The following PIK3C2G variants were observed in gnomAD, a reference collection of about 807,000 sequenced individuals.
PIK3C2G encodes phosphatidylinositol 3-kinase C2 domain-containing subunit gamma.
In PIK3C2G, 168 loss-of-function variants were observed where a neutral mutation model predicts 181.1. The observed-to-expected ratio is 0.93, with a 90% CI of 0.82 to 1.05. The LOEUF (loss-of-function observed/expected upper bound fraction) is 1.05. PIK3C2G is among the 50% of genes least tolerant of loss of function. PIK3C2G has a pLI of 0.00. For missense variants in PIK3C2G, 1,869 were observed against 1,732.8 expected, an observed-to-expected ratio of 1.08 and a Z score of -1.40; for synonymous variants, 573 against 592.2, an observed-to-expected ratio of 0.97 and a Z score of 0.47.
intron 30 of PIK3C2G, among the ~76,000 whole-genome samples, chr12:18,606,465 T>C (rs1948026637): frequency 6.6e-6 from 1 of 152,150 alleles, no homozygotes; most frequent in Non-Finnish European, 1.5e-5. Flanking sequence ...TGTTAGTCTA[T>C]ATAGTCTCTC....
intron 26 of PIK3C2G, among the ~76,000 whole-genome samples, chr12:18,551,319 A>G (rs907964734): frequency 1.3e-5 from 2 of 152,046 alleles, no homozygotes; most frequent in Non-Finnish European, 2.9e-5. Flanking sequence ...AATGTTGTCC[A>G]AAAGGGTTAT....
At chr12:18,646,393 A>G (rs1381454743) in intron 32 of PIK3C2G, among the ~76,000 whole-genome samples, 1 of 152,186 alleles carries the variant, frequency 6.6e-6, no homozygotes, top group African/African-American at 2.4e-5. Flanking sequence ...ACTCACATGG[A>G]TCAGGGTAGA....
chr12:18,472,306 T>C (rs576782138), intron 18 of PIK3C2G, among the ~76,000 whole-genome samples: 4 of 152,302 alleles, frequency 2.6e-5, no homozygotes, highest in Admixed American at 2.6e-4. Flanking sequence ...TCTATAAATA[T>C]TTTATTAGTA....
intron 18 of PIK3C2G, among the ~76,000 whole-genome samples, chr12:18,424,416 T>C (rs1394076891): frequency 2.6e-5 from 4 of 152,224 alleles, no homozygotes; most frequent in Non-Finnish European, 4.4e-5. Context: ...ATACTTTCTG[T>C]GCAATATTAG....
At chr12:18,280,677 C>G (rs1460761409) in intron 1 of PIK3C2G, among the ~76,000 whole-genome samples, 1 of 151,868 alleles carries the variant, frequency 6.6e-6, no homozygotes, top group African/African-American at 2.4e-5. Context: ...AATGGGGAAC[C>G]ACTGAAAAAC....
chr12:18,591,091 T>C (rs1947052716), intron 29 of PIK3C2G, among the ~76,000 whole-genome samples: 1 of 151,960 alleles, frequency 6.6e-6, no homozygotes, highest in Admixed American at 6.6e-5. Flanking sequence ...AGTCTGAGGT[T>C]TGATTTTATG....
chr12:18,304,153 T>C (rs999649308), intron 5 of PIK3C2G, among the ~76,000 whole-genome samples: 1 of 152,166 alleles, frequency 6.6e-6, no homozygotes, highest in African/African-American at 2.4e-5. Context: ...ACAAAAATAG[T>C]TTTACAAAAT....
the PIK3C2G span, among the ~76,000 whole-genome samples, chr12:18,702,480 G>C: frequency 6.6e-6 from 1 of 152,160 alleles, no homozygotes; most frequent in South Asian, 2.1e-4. Flanking sequence ...GCTGAAATCT[G>C]GGTTATAAAG....
At chr12:18,714,118 G>T in the PIK3C2G span, among the ~76,000 whole-genome samples, 2 of 152,136 alleles carry the variant, frequency 1.3e-5, no homozygotes, top group African/African-American at 2.4e-5. Flanking sequence ...TAGGTCATTT[G>T]CCCCAAACTA....
intron 26 of PIK3C2G, among the ~76,000 whole-genome samples, chr12:18,561,700 A>G (rs1471235820): frequency 6.6e-6 from 1 of 152,054 alleles, no homozygotes; most frequent in Non-Finnish European, 1.5e-5. Context: ...GTAAAGGAAA[A>G]TATAGAAATA....
chr12:18,330,125 G>A (rs533081577), intron 8 of PIK3C2G, among the ~76,000 whole-genome samples: 10 of 151,882 alleles, frequency 6.6e-5, no homozygotes, highest in East Asian at 1.9e-4. Flanking sequence ...GGGGCTTTTC[G>A]CTTTAATTAT....
intron 18 of PIK3C2G, among the ~76,000 whole-genome samples, chr12:18,428,915 T>G (rs532639911): frequency 1.6e-4 from 24 of 152,206 alleles, no homozygotes; most frequent in Admixed American, 6.5e-4. Context: ...AAAGCTTAAA[T>G]GTAGTGCCCC....
chr12:18,455,151 G>C (rs943376930), intron 18 of PIK3C2G, among the ~76,000 whole-genome samples: 3 of 152,180 alleles, frequency 2.0e-5, no homozygotes, highest in Non-Finnish European at 4.4e-5. Context: ...CAAGACCAAA[G>C]TCAGAGCCTT....
intron 5 of PIK3C2G, among the ~76,000 whole-genome samples, chr12:18,307,682 T>C (rs1301556919): frequency 1.3e-5 from 2 of 151,910 alleles, no homozygotes; most frequent in Non-Finnish European, 2.9e-5. Flanking sequence ...TTTTGATATC[T>C]AGAACTCTCA....
intron 29 of PIK3C2G, among the ~76,000 whole-genome samples, chr12:18,579,845 A>G (rs1324309116): frequency 1.3e-5 from 2 of 152,178 alleles, no homozygotes; most frequent in African/African-American, 4.8e-5. Flanking sequence ...ATAAAGAATA[A>G]TAGAAACTGC....
chr12:18,447,726 G>A (rs974198335), intron 18 of PIK3C2G, among the ~76,000 whole-genome samples: 2 of 152,060 alleles, frequency 1.3e-5, no homozygotes, highest in African/African-American at 2.4e-5. Context: ...AAACCTTGGA[G>A]ACAAAATTTT....
intron 1 of PIK3C2G, among the ~76,000 whole-genome samples, chr12:18,278,132 A>G (rs1435670380): frequency 2.6e-5 from 4 of 152,300 alleles, no homozygotes; most frequent in African/African-American, 9.6e-5. Flanking sequence ...ACAAATTATC[A>G]CAAACTTTGT....
chr12:18,565,355 T>C (rs868626554), intron 28 of PIK3C2G, among the ~76,000 whole-genome samples: 3 of 152,140 alleles, frequency 2.0e-5, no homozygotes, highest in Non-Finnish European at 4.4e-5. Context: ...ATGAAAATAT[T>C]CCTTAAAATT....
chr12:18,373,801 C>T (rs1198650511), intron 13 of PIK3C2G, among the ~76,000 whole-genome samples: 1 of 151,708 alleles, frequency 6.6e-6, no homozygotes, highest in Non-Finnish European at 1.5e-5. Flanking sequence ...TGCAGTGAGC[C>T]AAATTGGTGC....
Sources: gnomAD v4.1 joint callset for allele counts (sites outside exome capture counted in the v4.1 genomes callset) on GRCh38, gnomAD v4.1.1 for gene constraint, MANE v1.5 for transcripts, NCBI Gene and HGNC (gene_info 2026-07-23, HGNC 2026-07-21) for gene names.